Variants in CREB5 observed in about 807,000 individuals in gnomAD.
CREB5 encodes the protein cyclic AMP-responsive element-binding protein 5.
CREB5 carries 19 observed loss-of-function variants against 57.1 expected under a neutral mutation model. The ratio of observed to expected loss-of-function variants is 0.33; its 90% CI spans 0.23 to 0.49. The LOEUF is 0.49. Ranked by LOEUF, CREB5 falls within the 20% of genes least tolerant of loss-of-function variation. CREB5 has a pLI of 0.99. For missense variants in CREB5, 579 were observed against 671.6 expected (o/e 0.86, Z 1.52); for synonymous variants, 238 against 238.3 (o/e 1.00, Z 0.01).
At chr7:28,759,861 G>A (rs1006060035) in intron 7 of CREB5, among the ~76,000 whole-genome samples, 1 of 152,170 alleles carries the variant, frequency 6.6e-6, no homozygotes, top group African/African-American at 2.4e-5. Flanking sequence ...TTTGTCTGTG[G>A]TATGCCGTGG....
intron 1 of CREB5, among the ~76,000 whole-genome samples, chr7:28,406,157 T>C (rs1787575258): frequency 6.6e-6 from 1 of 152,188 alleles, no homozygotes; most frequent in Non-Finnish European, 1.5e-5. Flanking sequence ...AGCTAAAGAA[T>C]TTCTTCCCAT....
chr7:28,358,894 T>A (rs1270077053), intron 1 of CREB5, among the ~76,000 whole-genome samples: 3 of 152,166 alleles, frequency 2.0e-5, no homozygotes, highest in Non-Finnish European at 4.4e-5. Flanking sequence ...GGTATACGTA[T>A]TGGGGAGTTG....
intron 2 of CREB5, among the ~76,000 whole-genome samples, chr7:28,494,497 G>A (rs4722806): frequency 0.11 from 16,955 of 152,108 alleles, 1,191 homozygotes; most frequent in Non-Finnish European, 0.15. Context: ...ATATAGTTTA[G>A]TGATTAATCA....
At chr7:28,735,669 G>A (rs1300298386) in intron 7 of CREB5, among the ~76,000 whole-genome samples, 3 of 152,136 alleles carry the variant, frequency 2.0e-5, no homozygotes, top group African/African-American at 7.2e-5. Flanking sequence ...CCCTGAGGGG[G>A]AGGGATCTGA....
chr7:28,561,003 TGCGTGTGTGTGTGCGTGTGTGC>T (rs1795238884), intron 4 of CREB5, among the ~76,000 whole-genome samples: 1 of 27,266 alleles, frequency 3.7e-5, no homozygotes. Flanking sequence ...TGCCTGCGTG[TGCGTGTGTGTGTGCGTGTGTGC>T]GTGTGTGTGT....
At chr7:28,726,063 A>T (rs191550914) in intron 7 of CREB5, among the ~76,000 whole-genome samples, 21 of 152,334 alleles carry the variant, frequency 1.4e-4, no homozygotes, top group African/African-American at 5.1e-4. Context: ...ATAGTGAATC[A>T]TGTCAGTTGG....
chr7:28,558,541 T>C (rs990044925), intron 4 of CREB5, among the ~76,000 whole-genome samples: 1 of 152,252 alleles, frequency 6.6e-6, no homozygotes, highest in African/African-American at 2.4e-5. Flanking sequence ...TTCTGTTTTA[T>C]GTTGAGAGTA....
At chr7:28,481,147 AC>A (rs1166293631) in intron 1 of CREB5, among the ~76,000 whole-genome samples, 1 of 152,142 alleles carries the variant, frequency 6.6e-6, no homozygotes, top group African/African-American at 2.4e-5. Flanking sequence ...GGGAAGTAAG[AC>A]CCGGGTTAGT....
chr7:28,427,627 C>T (rs765877403), intron 1 of CREB5, among the ~76,000 whole-genome samples: 22 of 152,088 alleles, frequency 1.4e-4, no homozygotes, highest in African/African-American at 2.2e-4. Context: ...TATTTCCCCA[C>T]GGTGCCTGTC....
chr7:28,813,747 G>A (rs978552069), intron 9 of CREB5, among the ~76,000 whole-genome samples: 1 of 152,154 alleles, frequency 6.6e-6, no homozygotes, highest in African/African-American at 2.4e-5. Context: ...TGTTTTTGTA[G>A]TATTGAATAT....
At chr7:28,569,431 C>G (rs927703480) in intron 4 of CREB5, among the ~76,000 whole-genome samples, 5 of 152,172 alleles carry the variant, frequency 3.3e-5, no homozygotes, top group Admixed American at 1.3e-4. Context: ...GTCTGAGTAA[C>G]TTTCTTTTCT....
intron 1 of CREB5, among the ~76,000 whole-genome samples, chr7:28,479,176 C>A (rs1015528816): frequency 6.6e-6 from 1 of 152,060 alleles, no homozygotes; most frequent in Non-Finnish European, 1.5e-5. Flanking sequence ...GTGGCATGGG[C>A]GAGGCAGTTG....
chr7:28,642,979 C>CACATACACACACACACAT (rs1334962858), intron 5 of CREB5, among the ~76,000 whole-genome samples: 10 of 101,280 alleles, frequency 9.9e-5, no homozygotes, highest in African/African-American at 3.2e-4. Context: ...CACACACACA[C>CACATACACACACACACAT]ACACACATAC....
chr7:28,606,941 A>G (rs987974492), intron 5 of CREB5, among the ~76,000 whole-genome samples: 1 of 152,204 alleles, frequency 6.6e-6, no homozygotes, highest in African/African-American at 2.4e-5. Context: ...TCAAATATTT[A>G]TCATTTCTTT....
chr7:28,709,472 A>G (rs910031308), intron 5 of CREB5, among the ~76,000 whole-genome samples: 7 of 152,194 alleles, frequency 4.6e-5, no homozygotes, highest in Non-Finnish European at 1.0e-4. Flanking sequence ...GTTTGCTTTA[A>G]TAGTCTTAAC....
At chr7:28,331,406 C>T (rs904888391) in intron 1 of CREB5, among the ~76,000 whole-genome samples, 7 of 152,020 alleles carry the variant, frequency 4.6e-5, no homozygotes, top group African/African-American at 1.7e-4. Context: ...TATACCTGTG[C>T]TTATTATATA....
chr7:28,431,173 A>G (rs762784465), intron 1 of CREB5, among the ~76,000 whole-genome samples: 2 of 152,214 alleles, frequency 1.3e-5, no homozygotes, highest in Non-Finnish European at 2.9e-5. Flanking sequence ...GTGACATCCC[A>G]TCTCATTTGC....
At chr7:28,698,042 T>C (rs919333591) in intron 5 of CREB5, among the ~76,000 whole-genome samples, 1 of 152,170 alleles carries the variant, frequency 6.6e-6, no homozygotes, top group African/African-American at 2.4e-5. Context: ...ACCATTTTGA[T>C]GAGTTAAGTG....
intron 5 of CREB5, among the ~76,000 whole-genome samples, chr7:28,597,022 G>A (rs754949869): frequency 6.6e-5 from 10 of 152,312 alleles, no homozygotes; most frequent in Admixed American, 1.3e-4. Context: ...CATGTGTGAC[G>A]TTCTAGCCTG....
Sources: allele counts gnomAD v4.1 joint callset (sites outside exome capture counted in the v4.1 genomes callset), GRCh38; gene constraint gnomAD v4.1.1; transcripts MANE v1.5; gene names NCBI Gene and HGNC (gene_info 2026-07-23, HGNC 2026-07-21).